Variants in STYXL1 observed in about 807,000 individuals in gnomAD.
The protein encoded by STYXL1 is serine/threonine/tyrosine interacting like 1, also known as serine/threonine/tyrosine-interacting-like protein 1.
A neutral mutation model predicts 36.4 loss-of-function variants in STYXL1; 32 were observed. The ratio of observed to expected loss-of-function variants is 0.88; its 90% CI spans 0.66 to 1.18. STYXL1 has a LOEUF of 1.18. Ranked by LOEUF, STYXL1 falls within the 50% of genes most tolerant of loss-of-function variation. The pLI, the probability that STYXL1 is intolerant of heterozygous loss-of-function variation, is 0.00. For missense variants in STYXL1, 354 were observed against 394.1 expected (o/e 0.90, Z 0.86); for synonymous variants, 133 against 144.1 (o/e 0.92, Z 0.55).
intron 3 of STYXL1, among the ~76,000 whole-genome samples, chr7:76,026,923 T>C (rs1258356443): frequency 1.3e-5 from 2 of 151,896 alleles, no homozygotes; most frequent in Non-Finnish European, 2.9e-5. Flanking sequence ...TAGCCAGGTG[T>C]GGTGGCGCAC....
chr7:76,037,103 T>C (rs1159566193), intron 1 of STYXL1, among the ~76,000 whole-genome samples: 1 of 149,944 alleles, frequency 6.7e-6, no homozygotes, highest in Non-Finnish European at 1.5e-5. Context: ...TAAGAGACCC[T>C]TGGTGGGGTG....
intron 3 of STYXL1, among the ~76,000 whole-genome samples, chr7:76,026,554 T>C (rs1292507452): frequency 6.6e-6 from 1 of 152,150 alleles, no homozygotes; most frequent in Admixed American, 6.5e-5. Context: ...AGTGCTAGGA[T>C]TACAGGAGTA....
rs368977921 is a variant in STYXL1 at position 76,000,850 on chromosome 7, G to A, written c.810+40C>T. 2.5e-6 allele frequency: 4 copies of A among 1,579,488 alleles called. No homozygotes were observed. In the South Asian group the frequency reaches 3.3e-5, roughly 13 times the overall value. On this transcript the variant is annotated intron_variant, in intron 8 of 8. Coordinates refer to ENST00000359697, the MANE Select transcript of STYXL1 (RefSeq NM_001317785.2). ...GTTGCGCTCTGACCTCACCTCCCAG[G>A]GGGTGGCCGTGGTGCGAGCCTGGCC...
chr7:76,013,921 T>C (rs367636888), intron 4 of STYXL1, 34 bp from the exon 5 acceptor site: 88 of 1,580,430 alleles, frequency 5.6e-5, no homozygotes, highest in Middle Eastern at 1.7e-4. Context: ...GAATGTCTCC[T>C]GTGTATCTGC....
intron 8 of STYXL1, 69 bp from the exon 9 acceptor site, chr7:75,996,668 A>C: frequency 6.6e-7 from 1 of 1,521,294 alleles, no homozygotes; most frequent in Admixed American, 1.7e-5. Context: ...GATCAGAGGC[A>C]GCTTTCAGAG....
chr7:76,036,312 G>C (rs1795904999), intron 1 of STYXL1, among the ~76,000 whole-genome samples: 1 of 149,818 alleles, frequency 6.7e-6, no homozygotes, highest in African/African-American at 2.4e-5. Flanking sequence ...TGTTGGCCAG[G>C]CTGGCCTCGA....
At chr7:76,008,608 G>T (rs1563472877) in intron 5 of STYXL1, among the ~76,000 whole-genome samples, 1 of 152,174 alleles carries the variant, frequency 6.6e-6, no homozygotes, top group Non-Finnish European at 1.5e-5. Context: ...CCCACTGCCT[G>T]CGGGCAGGCC....
At chr7:76,025,851 T>TA in intron 3 of STYXL1, among the ~76,000 whole-genome samples, 1 of 151,044 alleles carries the variant, frequency 6.6e-6, no homozygotes, top group Non-Finnish European at 1.5e-5. Context: ...CCTGGAAAAA[T>TA]ACAGCCTGCC....
intron 6 of STYXL1, 80 bp downstream of exon 6, chr7:76,005,179 T>TA (rs1157323128): frequency 3.2e-5 from 29 of 909,956 alleles, no homozygotes; most frequent in African/African-American, 1.3e-4. Context: ...ATAATAAAAT[T>TA]AAAAAAAATA....
At chr7:76,007,337 AATCACTTG>A (rs1791910305) in intron 5 of STYXL1, among the ~76,000 whole-genome samples, 1 of 151,974 alleles carries the variant, frequency 6.6e-6, no homozygotes, top group Non-Finnish European at 1.5e-5. Context: ...GAGGCAGGAG[AATCACTTG>A]ATCCTGGGAC....
At chr7:76,001,815 T>TC in intron 7 of STYXL1, among the ~76,000 whole-genome samples, 1 of 150,646 alleles carries the variant, frequency 6.6e-6, no homozygotes, top group East Asian at 1.9e-4. Context: ...TTTTTTTTTT[T>TC]TCAATATAGA....
At chr7:76,029,923 ACCT>A (rs1795137724) in intron 2 of STYXL1, among the ~76,000 whole-genome samples, 1 of 151,944 alleles carries the variant, frequency 6.6e-6, no homozygotes, top group African/African-American at 2.4e-5. Context: ...CCTGCTGCTC[ACCT>A]CCTGCTGTGC....
At chr7:76,046,274 C>CTCTG (rs1451331977) in intron 1 of STYXL1, among the ~76,000 whole-genome samples, 2 of 103,164 alleles carry the variant, frequency 1.9e-5, no homozygotes, top group African/African-American at 8.7e-5. Flanking sequence ...AGCTTATCTG[C>CTCTG]TGTGTGTGTG....
intron 1 of STYXL1, among the ~76,000 whole-genome samples, chr7:76,032,383 AGT>A (rs1795458070): frequency 1.5e-5 from 2 of 132,828 alleles, no homozygotes; most frequent in Non-Finnish European, 3.2e-5. Context: ...TGGGCAACAG[AGT>A]GAGACCCTGT....
At chr7:76,046,606 C>G (rs1164208929) in intron 1 of STYXL1, among the ~76,000 whole-genome samples, 1 of 151,106 alleles carries the variant, frequency 6.6e-6, no homozygotes, top group Non-Finnish European at 1.5e-5. Flanking sequence ...CTTGACCTCC[C>G]AAAGTGCTGG....
In STYXL1 at chr7:76,021,850, C is replaced by T. The variant is rs781816322; in HGVS notation, c.307+1G>A. On this transcript the variant is annotated splice_donor_variant, in intron 4 of 8. Coordinates refer to ENST00000359697, the MANE Select transcript of STYXL1 (RefSeq NM_001317785.2). LOFTEE classifies it high-confidence loss of function. The stretch of plus-strand genomic sequence containing the variant: ...TCTTGCTGCTGTTGCATAAAACCCA[C>T]CTTTGCCATCACCATCAGAGTCTGA... The T allele has an allele frequency of 1.6e-5, 26 of 1,606,792 alleles. No homozygotes were observed. The South Asian group carries it at 2.6e-4, about 16-fold the overall frequency.
chr7:76,012,353 G>C (rs1792663440), intron 5 of STYXL1, among the ~76,000 whole-genome samples: 1 of 152,064 alleles, frequency 6.6e-6, no homozygotes, highest in South Asian at 2.1e-4. Flanking sequence ...ACGGCTCACT[G>C]CAGCCTCGAC....
chr7:76,041,442 A>T (rs2116494894), intron 1 of STYXL1, among the ~76,000 whole-genome samples: 1 of 152,260 alleles, frequency 6.6e-6, no homozygotes, highest in South Asian at 2.1e-4. Flanking sequence ...CCAATGTGGT[A>T]GTATTGGGAG....
At position 76,030,543 on chromosome 7, in the gene STYXL1, AAC is replaced by A. The variant is rs1554578986; in HGVS notation, c.-4-18_-4-17del. 1 of 1,478,364 alleles carries A rather than the reference AAC, an allele frequency of 6.8e-7. No homozygotes were observed. The highest frequency in any genetic ancestry group is 1.7e-5 in the Admixed American group (1 of 59,832). 91.6% of individuals were successfully genotyped at this position (1,478,364 alleles called of 1,614,324 possible). A position where few individuals can be genotyped will look rare whatever the true frequency, so the allele number is the denominator to read the frequency against. ...AGGCATCCTGCTGGGAAGAATCAAT[AAC>A]ACACAAGGGTAACATAACTCTATTT... On this transcript the variant is annotated splice_polypyrimidine_tract_variant and intron_variant, in intron 1 of 8. Coordinates refer to ENST00000359697, the MANE Select transcript of STYXL1 (RefSeq NM_001317785.2).
Sources: gnomAD v4.1 joint callset for allele counts (sites outside exome capture counted in the v4.1 genomes callset) on GRCh38, gnomAD v4.1.1 for gene constraint, MANE v1.5 for transcripts, NCBI Gene and HGNC (gene_info 2026-07-23, HGNC 2026-07-21) for gene names.